Variants in PRMT8 observed in about 807,000 individuals in gnomAD.
The protein encoded by PRMT8 is protein arginine N-methyltransferase 8.
A neutral mutation model predicts 47.1 loss-of-function variants in PRMT8; 7 were observed. The ratio of observed to expected loss-of-function variants is 0.15; its 90% CI spans 0.08 to 0.28. The LOEUF is 0.28. PRMT8 is among the 10% of genes least tolerant of loss of function. The probability of loss-of-function intolerance (pLI) is 1.00; values close to 1 mark genes in which losing one functional copy is unlikely to be tolerated. For synonymous variants in PRMT8, 188 were observed against 186.5 expected, an observed-to-expected ratio of 1.01 and a Z score of -0.07; for missense variants, 237 against 505.4, an observed-to-expected ratio of 0.47 and a Z score of 5.09.
At position 3,381,549 on chromosome 12, in the gene PRMT8, T is replaced by C. The variant is rs910881592; in HGVS notation, c.48+107T>C. ...CTGTTGGCTTTTTTCCTCTTTGTCA[T>C]CTGCAGAGCCTGCTCACGTCTCTGT... On this transcript the variant is annotated intron_variant, in intron 1 of 9. Transcript: ENST00000452611. 6.6e-6 allele frequency: 7 copies of C among 1,053,068 alleles called. No individual in the cohort carries two copies. The African/African-American group carries it at 1.1e-4, about 17-fold the overall frequency. 65.2% of individuals were successfully genotyped at this position (1,053,068 alleles called of 1,614,324 possible). A position where few individuals can be genotyped will look rare whatever the true frequency, so the allele number is the denominator to read the frequency against.
intron 1 of PRMT8, among the ~76,000 whole-genome samples, chr12:3,422,994 A>G (rs1356542056): frequency 6.6e-6 from 1 of 152,208 alleles, no homozygotes. Flanking sequence ...GCTTTTTGTT[A>G]TTTGAAGAAG....
intron 1 of PRMT8, among the ~76,000 whole-genome samples, chr12:3,445,869 C>T (rs1023855741): frequency 6.6e-6 from 1 of 152,190 alleles, no homozygotes; most frequent in Non-Finnish European, 1.5e-5. Flanking sequence ...ATATTTACTG[C>T]GGTCAGCTGT....
intron 1 of PRMT8, among the ~76,000 whole-genome samples, chr12:3,458,661 C>T (rs1865002573): frequency 6.6e-6 from 1 of 152,230 alleles, no homozygotes; most frequent in Admixed American, 6.5e-5. Context: ...GTTTGGAGAG[C>T]TGCCCTGACC....
chr12:3,518,474 C>A (rs1865830412), intron 1 of PRMT8, among the ~76,000 whole-genome samples: 1 of 151,366 alleles, frequency 6.6e-6, no homozygotes, highest in Non-Finnish European at 1.5e-5. Flanking sequence ...ATTTTTAAAA[C>A]CCAATTTTTG....
intron 2 of PRMT8, among the ~76,000 whole-genome samples, chr12:3,543,700 A>G (rs144866924): frequency 4.3e-4 from 66 of 152,296 alleles, no homozygotes; most frequent in Non-Finnish European, 7.4e-4. Flanking sequence ...TTCTCATCCC[A>G]TGCTCCATTC....
intron 1 of PRMT8, among the ~76,000 whole-genome samples, chr12:3,408,602 G>A (rs1422559110): frequency 6.6e-6 from 1 of 151,992 alleles, no homozygotes; most frequent in Non-Finnish European, 1.5e-5. Context: ...TTTATTTTGA[G>A]GTCTGTTCCT....
intron 2 of PRMT8, among the ~76,000 whole-genome samples, chr12:3,544,752 A>G (rs375340835): frequency 6.6e-6 from 1 of 152,090 alleles, no homozygotes; most frequent in Non-Finnish European, 1.5e-5. Context: ...TACCATACGG[A>G]TGTTTCTTTA....
chr12:3,530,032 A>G (rs548670582), intron 1 of PRMT8, among the ~76,000 whole-genome samples: 1 of 152,358 alleles, frequency 6.6e-6, no homozygotes, highest in East Asian at 1.9e-4. Context: ...TATGTTTGCA[A>G]GATATGTTCT....
rs76108556 is a variant in PRMT8 at position 3,471,918 on chromosome 12, G to A, written c.49-68688G>A. On this transcript the variant is annotated intron_variant, in intron 1 of 9. Coordinates refer to the PRMT8 transcript ENST00000452611. ...CTGCTTACATTGATGGTAAGGTAGC[G>A]GGGTGAGGGTAGGAGAATGTTGAAT... 2.8e-3 allele frequency among the ~76,000 whole-genome samples: 431 copies of A among 152,122 alleles called. 3 individuals are homozygous for A. The highest frequency in any genetic ancestry group is 9.6e-3 in the African/African-American group (398 of 41,526).
intron 1 of PRMT8, among the ~76,000 whole-genome samples, chr12:3,496,398 T>C (rs1322408245): frequency 6.6e-6 from 1 of 150,892 alleles, no homozygotes; most frequent in Non-Finnish European, 1.5e-5. Flanking sequence ...CTAATAGATC[T>C]TTCTCCTCAG....
Position 3,453,338 on chromosome 12 carries a change from T to C in PRMT8, c.48+71896T>C, listed in dbSNP as rs1298113579. 1.3e-5 allele frequency among the ~76,000 whole-genome samples: 2 copies of C among 152,066 alleles called. No homozygotes were observed. Among genetic ancestry groups the C allele is most frequent in the East Asian group, 3.9e-4 (2 of 5,144 alleles). ...CTGGGCCTCGGGCCCCAGTGTTGAG[T>C]CTGGCAGCAGATCCCCAAGGGGTAG... On this transcript the variant is annotated intron_variant, in intron 1 of 9. Coordinates refer to the PRMT8 transcript ENST00000452611. This position sits in a 1 kb window ranked among gnomAD's most constrained non-coding sequence, Gnocchi z 4.9.
chr12:3,496,183 A>G (rs1865500645), intron 1 of PRMT8, among the ~76,000 whole-genome samples: 1 of 114,586 alleles, frequency 8.7e-6, no homozygotes, highest in Admixed American at 1.0e-4. Flanking sequence ...TTTAGCAAAG[A>G]GTCACTTTGG....
intron 2 of PRMT8, among the ~76,000 whole-genome samples, chr12:3,546,638 A>C (rs1459417068): frequency 6.6e-6 from 1 of 152,228 alleles, no homozygotes; most frequent in African/African-American, 2.4e-5. Context: ...ATGCATTGAA[A>C]GCTAAAATAA....
intron 1 of PRMT8, among the ~76,000 whole-genome samples, chr12:3,440,604 G>A (rs1013966958): frequency 3.3e-5 from 5 of 152,006 alleles, no homozygotes; most frequent in Admixed American, 2.0e-4. Flanking sequence ...ATTATACAAA[G>A]GTGTGTACAG....
intron 6 of PRMT8, among the ~76,000 whole-genome samples, chr12:3,573,606 C>G (rs1246516783): frequency 6.6e-6 from 1 of 152,138 alleles, no homozygotes; most frequent in Non-Finnish European, 1.5e-5. Flanking sequence ...ACACCTATGT[C>G]CAGAAAAGAG....
At position 3,564,281 on chromosome 12, in the gene PRMT8, C is replaced by T. The variant is rs1866683233; in HGVS notation, c.482-4425C>T. ...TGCCTCCTCTTGTGTGGCACAGGAC[C>T]TGCTCTCTGAAAGAGTGAGGACCTA... On this transcript the variant is annotated intron_variant, in intron 4 of 9. Transcript: ENST00000382622. This position sits in a 1 kb window ranked among gnomAD's most constrained non-coding sequence, Gnocchi z 4.0. Among the ~76,000 whole-genome samples, 2 of 152,156 alleles carry T rather than the reference C, an allele frequency of 1.3e-5. No individual in the cohort carries two copies. The highest frequency in any genetic ancestry group is 6.5e-5 in the Admixed American group (1 of 15,280).
At chr12:3,455,046 A>G (rs1864959105) in intron 1 of PRMT8, among the ~76,000 whole-genome samples, 1 of 152,100 alleles carries the variant, frequency 6.6e-6, no homozygotes, top group South Asian at 2.1e-4. Flanking sequence ...CTTGTCCTCC[A>G]CAGTCCCCTT....
At chr12:3,489,728 A>G (rs1330023045), upstream of PRMT8, among the ~76,000 whole-genome samples, 3 of 151,218 alleles carry the variant, frequency 2.0e-5, no homozygotes, top group Admixed American at 2.0e-4. Context: ...CTGCTCACTC[A>G]CCCCCAACTC....
In PRMT8 at chr12:3,572,668, G is replaced by A. The variant is rs1378761230; in HGVS notation, c.712+3104G>A. On this transcript the variant is annotated intron_variant, in intron 6 of 9. Transcript: ENST00000382622. This position sits in a 1 kb window ranked among gnomAD's most constrained non-coding sequence, Gnocchi z 5.9. ...CAAGGATTCCACTTTCTTCATGAGA[G>A]CCTAAAATGTGTCAATCTAGTGTAA... Among the ~76,000 whole-genome samples, 4 of 152,196 alleles carry A rather than the reference G, an allele frequency of 2.6e-5. No individual in the cohort carries two copies. Among genetic ancestry groups the A allele is most frequent in the Non-Finnish European group, 4.4e-5 (3 of 68,034 alleles).
Sources: gnomAD v4.1 joint callset for allele counts (sites outside exome capture counted in the v4.1 genomes callset) on GRCh38, gnomAD v4.1.1 for gene constraint, Gnocchi (gnomAD v3.1) non-coding constraint, MANE v1.5 for transcripts, NCBI Gene and HGNC (gene_info 2026-07-23, HGNC 2026-07-21) for gene names.